Variants in ANKRD17 observed in about 807,000 individuals in gnomAD.
ANKRD17 encodes the protein ankyrin repeat domain 17.
In ANKRD17, 19 loss-of-function variants were observed where a neutral mutation model predicts 229.7. The observed-to-expected ratio is 0.08, with a 90% CI of 0.06 to 0.12. ANKRD17 has a LOEUF of 0.12. Among genes scored for constraint, ANKRD17 ranks in the 10% least tolerant of loss-of-function variants. The pLI, the probability that ANKRD17 is intolerant of heterozygous loss-of-function variation, is 1.00. For missense variants in ANKRD17, 2,176 were observed against 3,176.8 expected (o/e 0.68, Z 7.57); for synonymous variants, 1,112 against 1,146.1 (o/e 0.97, Z 0.60).
rs573114550 is a variant in ANKRD17 at position 73,232,723 on chromosome 4, C to T, written c.393+25553G>A. ...TAGAGGCCACCACATGTCTGCAATA[C>T]CCCCCCTTTTTATTTTTTGAGACAG... is the stretch of plus-strand genomic sequence containing the variant. On this transcript the variant is annotated intron_variant, in intron 1 of 33. Transcript: ENST00000358602. Among the ~76,000 whole-genome samples, 12 of 151,648 alleles carry T rather than the reference C, an allele frequency of 7.9e-5. No individual in the cohort carries two copies. In the South Asian group the frequency reaches 2.3e-3, roughly 29 times the overall value.
rs956070292 is a variant in ANKRD17 at position 73,249,405 on chromosome 4, C to T, written c.393+8871G>A. Among the ~76,000 whole-genome samples the T allele has an allele frequency of 4.6e-5, 7 of 152,276 alleles. No homozygotes were observed. The East Asian group carries it at 1.2e-3, about 25-fold the overall frequency. The stretch of plus-strand genomic sequence containing the variant: ...GAGAGGCACAGCCATAAAGCAGTTC[C>T]ATAAATGTGCCATTTCTACAATGTA... On this transcript the variant is annotated intron_variant, in intron 1 of 33. Coordinates refer to ENST00000358602, the MANE Select transcript of ANKRD17 (RefSeq NM_032217.5).
At chr4:73,093,376 C>CTT (rs11368928) in intron 28 of ANKRD17, among the ~76,000 whole-genome samples, 3,219 of 112,574 alleles carry the variant, frequency 0.029, 144 homozygotes, top group African/African-American at 0.057. Context: ...AACTCAAATT[C>CTT]TTTTTTTTTT....
intron 22 of ANKRD17, 126 bp downstream of exon 22, chr4:73,118,562 A>G (rs2148683422): frequency 9.7e-7 from 1 of 1,031,542 alleles, no homozygotes; most frequent in East Asian, 2.4e-5. Flanking sequence ...AAGAGTAATT[A>G]TTTGCATATT....
intron 1 of ANKRD17, among the ~76,000 whole-genome samples, chr4:73,224,926 A>G (rs1742311097): frequency 6.6e-6 from 1 of 152,220 alleles, no homozygotes; most frequent in East Asian, 1.9e-4. Context: ...CAGACAGGGC[A>G]CACAGTTATA....
chr4:73,161,167 C>T (rs1732480041), intron 3 of ANKRD17, 25 bp downstream of exon 3: 3 of 1,605,812 alleles, frequency 1.9e-6, no homozygotes, highest in East Asian at 2.2e-5. Flanking sequence ...TGATTTCATA[C>T]TGATGGCAGC....
intron 30 of ANKRD17, among the ~76,000 whole-genome samples, chr4:73,079,559 A>T (rs1439283233): frequency 2.0e-5 from 3 of 147,146 alleles, no homozygotes; most frequent in East Asian, 2.0e-4. Context: ...TGTCCAGTTT[A>T]AAAAAAAAAA....
chr4:73,206,533 C>G (rs545341502), intron 1 of ANKRD17, among the ~76,000 whole-genome samples: 10 of 151,590 alleles, frequency 6.6e-5, no homozygotes, highest in Admixed American at 3.9e-4. Context: ...ATGGAGGAAC[C>G]TGGAGAACAC....
intron 18 of ANKRD17, among the ~76,000 whole-genome samples, chr4:73,122,171 A>C (rs1291801389): frequency 6.6e-6 from 1 of 152,168 alleles, no homozygotes; most frequent in Admixed American, 6.6e-5. Flanking sequence ...CATGGTATAA[A>C]AGGTCCTATA....
At chr4:73,082,182 C>G (rs949233850) in intron 30 of ANKRD17, among the ~76,000 whole-genome samples, 4 of 149,326 alleles carry the variant, frequency 2.7e-5, no homozygotes, top group Non-Finnish European at 4.4e-5. Flanking sequence ...AAAAGGGGGG[C>G]CAAGCGTGGT....
chr4:73,122,741 C>T (rs946538614), intron 18 of ANKRD17, among the ~76,000 whole-genome samples: 15 of 152,020 alleles, frequency 9.9e-5, no homozygotes, highest in Non-Finnish European at 1.9e-4. Flanking sequence ...TTTTAGATAT[C>T]ACATTCTTTC....
chr4:73,164,108 T>G (rs1578240108), intron 2 of ANKRD17, among the ~76,000 whole-genome samples: 1 of 152,170 alleles, frequency 6.6e-6, no homozygotes, highest in South Asian at 2.1e-4. Context: ...ATAGATCATC[T>G]TTCGGTTAAA....
At chr4:73,147,125 C>A in intron 9 of ANKRD17, 116 bp downstream of exon 9, 1 of 1,007,228 alleles carries the variant, frequency 9.9e-7, no homozygotes, top group Non-Finnish European at 1.4e-6. Flanking sequence ...GTATATCACA[C>A]GTTTTTTTAA....
intron 6 of ANKRD17, among the ~76,000 whole-genome samples, chr4:73,151,942 C>A (rs1731049425): frequency 2.0e-5 from 3 of 152,046 alleles, no homozygotes; most frequent in Non-Finnish European, 4.4e-5. Context: ...AGTTCCAATA[C>A]CTAACTCAGA....
intron 1 of ANKRD17, among the ~76,000 whole-genome samples, chr4:73,246,104 G>T (rs991213812): frequency 1.3e-5 from 2 of 152,090 alleles, no homozygotes; most frequent in Non-Finnish European, 2.9e-5. Context: ...ATCATCTAAA[G>T]AACTAAGCAA....
intron 8 of ANKRD17, 120 bp from the exon 9 acceptor site, chr4:73,147,552 A>G: frequency 2.4e-6 from 2 of 833,532 alleles, no homozygotes; most frequent in Non-Finnish European, 3.3e-6. Context: ...ACTATAATAA[A>G]TAAGAAAGTG....
intron 24 of ANKRD17, among the ~76,000 whole-genome samples, chr4:73,112,302 TAAAA>T (rs1240988437): frequency 6.6e-6 from 1 of 152,090 alleles, no homozygotes; most frequent in Non-Finnish European, 1.5e-5. Context: ...ACTGTTATAA[TAAAA>T]AAACAAAAAT....
intron 22 of ANKRD17, among the ~76,000 whole-genome samples, chr4:73,117,972 A>C (rs532718960): frequency 6.6e-6 from 1 of 152,328 alleles, no homozygotes; most frequent in African/African-American, 2.4e-5. Context: ...TGGCATTTTC[A>C]TTATTTAATT....
At chr4:73,166,759 GA>G (rs557490181) in intron 2 of ANKRD17, among the ~76,000 whole-genome samples, 2,315 of 128,384 alleles carry the variant, frequency 0.018, 22 homozygotes, top group African/African-American at 0.028. Flanking sequence ...CAAATAAATA[GA>G]AAAAAAAAAA....
At chr4:73,202,318 TAAAAA>T (rs10533861) in intron 1 of ANKRD17, among the ~76,000 whole-genome samples, 3 of 21,936 alleles carry the variant, frequency 1.4e-4, no homozygotes, top group East Asian at 1.7e-3. Context: ...GGAACAGGAT[TAAAAA>T]AAAAAAAAAA....
Sources: gnomAD v4.1 joint callset for allele counts (sites outside exome capture counted in the v4.1 genomes callset) on GRCh38, gnomAD v4.1.1 for gene constraint, MANE v1.5 for transcripts, NCBI Gene and HGNC (gene_info 2026-07-23, HGNC 2026-07-21) for gene names.